The following ITIH3 variants were observed in gnomAD, a reference collection of about 807,000 sequenced individuals.
The protein encoded by ITIH3 is inter-alpha-trypsin inhibitor heavy chain 3.
A neutral mutation model predicts 96.5 loss-of-function variants in ITIH3; 81 were observed. The ratio of observed to expected loss-of-function variants is 0.84; its 90% CI spans 0.70 to 1.01. The LOEUF (loss-of-function observed/expected upper bound fraction) is 1.01. ITIH3 is among the 50% of genes least tolerant of loss of function. ITIH3 has a pLI of 0.00. For synonymous variants in ITIH3, 422 were observed against 445.2 expected (o/e 0.95, Z 0.66); for missense variants, 1,057 against 1,139.3 (o/e 0.93, Z 1.04).
rs763589005 is a variant in ITIH3, at chr3:52,801,019, A to G, written c.1256A>G (p.Lys419Arg). The G allele has an allele frequency of 6.2e-7, 1 of 1,614,070 alleles. No homozygotes were observed. Among genetic ancestry groups the G allele is most frequent in the Admixed American group, 1.7e-5 (1 of 60,026 alleles). The change falls in exon 11 of 22, where the codon AAG (lysine) becomes AGG (arginine). Residue 419 changes from lysine (K) to arginine (R), a missense_variant. By Grantham distance (26) the Lys-to-Arg change is conservative. Transcript: ENST00000449956. ...AATGTGCGGAATGCCATCGGGGGCA[A>G]GTTCCCCTTGTATAACCTGGGCTTT... ...QENVRNAIGG[K>R]FPLYNLGFGN... is the part of the protein sequence containing the mutation.
At chr3:52,800,485 C>A in intron 9 of ITIH3, 53 bp from the exon 10 acceptor site, 1 of 1,548,634 alleles carries the variant, frequency 6.5e-7, no homozygotes. Context: ...AGCCTGTCTG[C>A]ACACTGGCAC....
intron 6 of ITIH3, 171 bp from the exon 7 acceptor site, chr3:52,798,795 G>A (rs1432640254): frequency 5.7e-6 from 4 of 696,644 alleles, no homozygotes; most frequent in Non-Finnish European, 9.6e-6. Flanking sequence ...GAGCTGCAGA[G>A]CACGCCACCG....
chr3:52,799,711 C>A (rs1346719944), intron 8 of ITIH3, 42 bp from the exon 9 acceptor site: 2 of 1,563,206 alleles, frequency 1.3e-6, no homozygotes, highest in South Asian at 1.2e-5. Context: ...AGGGACCTCA[C>A]TCTCTGCTGC....
At position 52,797,261 on chromosome 3, in the gene ITIH3, C is replaced by T. The variant is rs372975801; in HGVS notation, c.543C>T (p.His181=). The T allele has an allele frequency of 1.6e-5, 26 of 1,602,742 alleles. No individual in the cohort carries two copies. The highest frequency in any genetic ancestry group is 2.2e-5 in the Non-Finnish European group (26 of 1,175,062). The change falls in exon 5 of 22, where the codon CAC becomes CAT. Residue 181 remains histidine, a synonymous_variant. Transcript: ENST00000449956. ...LKVQPKQLVK[H]FEIEVDIFEP... Reference sequence around the variant, plus strand: ...TCCAGCCTAAGCAACTGGTCAAACACTTTGAGGTAATCAACCGCCCCTGCA... The same window carrying T: ...TCCAGCCTAAGCAACTGGTCAAACATTTTGAGGTAATCAACCGCCCCTGCA...
rs939012015 is a variant in ITIH3, at chr3:52,805,485, G to C, written c.1874-323G>C. ...CGTGAGCCTCACTCACCCCAACTAG[G>C]GGGTGGGAAGCCCAGGGGTGGGGCA... On this transcript the variant is annotated intron_variant, in intron 15 of 21. Coordinates refer to ENST00000449956, the MANE Select transcript of ITIH3 (RefSeq NM_002217.4). 4 of 1,152,124 alleles carry C rather than the reference G, an allele frequency of 3.5e-6. No homozygotes were observed. In the African/African-American group the frequency reaches 6.4e-5, roughly 18 times the overall value. 71.4% of individuals were successfully genotyped at this position (1,152,124 alleles called of 1,614,324 possible).
rs749280970 is a variant in ITIH3 at position 52,800,962 on chromosome 3, C to T, written c.1202-3C>T. 8.1e-6 allele frequency: 13 copies of T among 1,614,026 alleles called. No individual in the cohort carries two copies. The highest frequency in any genetic ancestry group is 1.1e-5 in the Non-Finnish European group (13 of 1,179,870). The stretch of plus-strand genomic sequence containing the variant: ...GGACTGTGAACACCCCCTTCTCCAA[C>T]AGGTGAGAGCAGACCCGAAAAAATC... On this transcript the variant is annotated splice_region_variant and splice_polypyrimidine_tract_variant and intron_variant, in intron 10 of 21. Coordinates refer to ENST00000449956, the MANE Select transcript of ITIH3 (RefSeq NM_002217.4).
intron 9 of ITIH3, among the ~76,000 whole-genome samples, chr3:52,800,137 A>G (rs556928789): frequency 1.2e-4 from 18 of 152,228 alleles, no homozygotes; most frequent in African/African-American, 3.9e-4. Flanking sequence ...TTTCTAATCC[A>G]TGATCCTGGT....
chr3:52,802,285 T>C, intron 11 of ITIH3, 49 bp from the exon 12 acceptor site: 1 of 1,592,672 alleles, frequency 6.3e-7, no homozygotes, highest in Non-Finnish European at 8.6e-7. Context: ...GCAGCATCAG[T>C]GGGAGCCTGA....
Position 52,796,786 on chromosome 3 carries a change from T to C in ITIH3, c.329T>C (p.Val110Ala), listed in dbSNP as rs751382902. The change falls in exon 4 of 22, where the codon GTT (valine) becomes GCT (alanine). Residue 110 changes from valine to alanine, a missense_variant. Val to Ala is a moderately conservative substitution (Grantham distance 64, BLOSUM62 0). Transcript: ENST00000449956. ...CCTGGGAATGTCAAGGAGAAGGAAG[T>C]TGCCAAGAAGCAGTATGAAAAGGCT... ...TYPGNVKEKEVAKKQYEKAVS... is the reference protein window; with the variant it reads ...TYPGNVKEKEAAKKQYEKAVS... 1.2e-6 allele frequency: 2 copies of C among 1,613,042 alleles called. No individual in the cohort carries two copies. The highest frequency in any genetic ancestry group is 1.1e-5 in the South Asian group (1 of 90,804).
chr3:52,799,627 C>T (rs1699738619), intron 8 of ITIH3, 126 bp from the exon 9 acceptor site: 2 of 1,144,992 alleles, frequency 1.7e-6, no homozygotes, highest in South Asian at 1.5e-5. Flanking sequence ...CGGCCTCTGC[C>T]CGCTTCTGTG....
intron 18 of ITIH3, 49 bp downstream of exon 18, chr3:52,806,455 G>A (rs969213321): frequency 6.9e-7 from 1 of 1,455,804 alleles, no homozygotes; most frequent in Non-Finnish European, 9.5e-7. Flanking sequence ...TCCTGGGAGG[G>A]CTTGGGTCCC....
intron 13 of ITIH3, among the ~76,000 whole-genome samples, chr3:52,803,011 C>G (rs1237023127): frequency 6.6e-6 from 1 of 152,230 alleles, no homozygotes; most frequent in Non-Finnish European, 1.5e-5. Flanking sequence ...TGGCCAGCAG[C>G]CTGGGAGTGC....
At position 52,803,977 on chromosome 3, in the gene ITIH3, A is replaced by G. The variant is rs759197572; in HGVS notation, c.1832A>G (p.Asp611Gly). 5 of 1,613,594 alleles carry G rather than the reference A, an allele frequency of 3.1e-6. No individual in the cohort carries two copies. The highest frequency in any genetic ancestry group is 1.7e-5 in the Admixed American group (1 of 59,950). The change falls in exon 14 of 22, where the codon GAT becomes GGT. Residue 611 changes from aspartate to glycine, a missense_variant. Transcript: ENST00000449956. ...GTGACCAAGCCTGAGGACAACGAGG[A>G]TGAGAGGGCCATTGCCGACAAGCCT... ...MVVTKPEDNEDERAIADKPGE... is the reference protein window; with the variant it reads ...MVVTKPEDNEGERAIADKPGE...
intron 15 of ITIH3, chr3:52,805,091 C>CG: frequency 3.8e-6 from 1 of 262,594 alleles, no homozygotes; most frequent in South Asian, 5.1e-5. Context: ...AATTGAGGCA[C>CG]GGGGGGTTAA....
intron 5 of ITIH3, among the ~76,000 whole-genome samples, chr3:52,797,492 C>T (rs531238109): frequency 6.6e-6 from 1 of 152,348 alleles, no homozygotes; most frequent in African/African-American, 2.4e-5. Context: ...GCTGGGCCCT[C>T]AAGAGCAACA....
At position 52,799,883 on chromosome 3, in the gene ITIH3, A is replaced by T; in HGVS notation, c.1037A>T (p.Glu346Val). ...LVQATPENLQEARTFVKSMED... is the reference protein window; with the variant it reads ...LVQATPENLQVARTFVKSMED... ...CAGGCCACGCCCGAGAACCTCCAGG[A>T]GGCCAGGACGTTTGTGAAGAGCATG... Residue 346 changes from glutamate (E) to valine (V), a missense_variant, in exon 9 of 22, where the codon GAG becomes GTG. Transcript: ENST00000449956. 6.2e-7 allele frequency: 1 copy of T among 1,613,918 alleles called. No individual in the cohort carries two copies. The highest frequency in any genetic ancestry group is 8.5e-7 in the Non-Finnish European group (1 of 1,179,822).
At chr3:52,804,528 A>G (rs1699966197) in intron 14 of ITIH3, 198 bp from the exon 15 acceptor site, 1 of 585,638 alleles carries the variant, frequency 1.7e-6, no homozygotes, top group Non-Finnish European at 3.1e-6. Context: ...TGGGAGGCAA[A>G]GAGCTGGGCC....
In ITIH3 at chr3:52,800,634, T is replaced by A. The variant is rs1291031410; in HGVS notation, c.1172T>A (p.Ile391Asn). ...CCAGAGAGGAGCACCTCCATTGTCA[T>A]CATGCTGACTGATGGGGATGCCAAT... ...RIPERSTSIV[I>N]MLTDGDANVG... Residue 391 changes from isoleucine (I) to asparagine (N), a missense_variant, in exon 10 of 22, where the codon ATC (isoleucine) becomes AAC (asparagine). Transcript: ENST00000449956. 7 of 1,593,374 alleles carry A rather than the reference T, an allele frequency of 4.4e-6. No homozygotes were observed. Among genetic ancestry groups the A allele is most frequent in the Non-Finnish European group, 5.1e-6 (6 of 1,169,892 alleles).
At position 52,799,408 on chromosome 3, in the gene ITIH3, C is replaced by A. The variant is rs1208661535; in HGVS notation, c.826C>A (p.Gln276Lys). 6.2e-7 allele frequency: 1 copy of A among 1,611,136 alleles called. No individual in the cohort carries two copies. Among genetic ancestry groups the A allele is most frequent in the African/African-American group, 1.3e-5 (1 of 74,882 alleles). Residue 276 changes from glutamine to lysine, a missense_variant, in exon 8 of 22, where the codon CAA becomes AAA. Coordinates refer to ENST00000449956, the MANE Select transcript of ITIH3 (RefSeq NM_002217.4). Reference protein sequence around the residue: ...NGYFVHFFAPQGLPVVPKNVA... With the variant: ...NGYFVHFFAPKGLPVVPKNVA... ...CTACTTCGTGCACTTCTTTGCACCT[C>A]AAGGCCTTCCAGTGGTGCCTAAGAA...
Sources: allele counts gnomAD v4.1 joint callset (sites outside exome capture counted in the v4.1 genomes callset), GRCh38; gene constraint gnomAD v4.1.1; transcripts MANE v1.5; gene names NCBI Gene and HGNC (gene_info 2026-07-23, HGNC 2026-07-21).